The following FARSB variants were observed in gnomAD, a reference collection of about 807,000 sequenced individuals.
FARSB encodes phenylalanine--tRNA ligase beta subunit.
A neutral mutation model predicts 69.6 loss-of-function variants in FARSB; 40 were observed. The observed-to-expected ratio is 0.57, with a 90% CI of 0.45 to 0.75. The LOEUF (loss-of-function observed/expected upper bound fraction) is 0.75, where lower values mean the gene tolerates loss of function less well. FARSB is among the 30% of genes least tolerant of loss of function. The pLI, the probability that FARSB is intolerant of heterozygous loss-of-function variation, is 0.00. For synonymous variants in FARSB, 235 were observed against 247.2 expected, an observed-to-expected ratio of 0.95 and a Z score of 0.46; for missense variants, 632 against 722.9, an observed-to-expected ratio of 0.87 and a Z score of 1.44.
chr2:222,625,892 T>C (rs1691255715), intron 10 of FARSB, among the ~76,000 whole-genome samples: 1 of 152,212 alleles, frequency 6.6e-6, no homozygotes, highest in Non-Finnish European at 1.5e-5. Context: ...GTGCTTATTA[T>C]CTGATTATCA....
At chr2:222,647,631 G>T (rs993979504) in intron 2 of FARSB, among the ~76,000 whole-genome samples, 2 of 152,226 alleles carry the variant, frequency 1.3e-5, no homozygotes, top group Admixed American at 6.5e-5. Flanking sequence ...CCAAGATAAG[G>T]ACTCCTTCCT....
intron 14 of FARSB, among the ~76,000 whole-genome samples, chr2:222,617,666 T>C (rs966485465): frequency 6.6e-6 from 1 of 152,210 alleles, no homozygotes; most frequent in Non-Finnish European, 1.5e-5. Context: ...GGTGGATCAC[T>C]TGAGGCCGGG....
rs766353232 is a variant in FARSB, at chr2:222,655,970, C to T, written c.58+46G>A. The T allele has an allele frequency of 1.4e-5, 20 of 1,476,582 alleles. No individual in the cohort carries two copies. In the East Asian group the frequency reaches 4.3e-4, roughly 32 times the overall value. The allele number at this position is 1,476,582 out of a possible 1,614,324, so 91.5% of individuals were successfully genotyped here. On this transcript the variant is annotated intron_variant, in intron 1 of 16. Transcript: ENST00000281828. ...ATTGCCCTTTTGGAGGGAGGCCCTG[C>T]CTCCGAGAAGAGGCGTAGGGCCCAA...
intron 16 of FARSB, among the ~76,000 whole-genome samples, chr2:222,590,513 TAA>T (rs566615484): frequency 3.7e-5 from 3 of 80,302 alleles, no homozygotes; most frequent in Admixed American, 1.5e-4. Flanking sequence ...TTAACAGTAT[TAA>T]AAAAAAAAAA....
At position 222,570,100 on chromosome 2, in the gene FARSB, A is replaced by T. The variant is rs1180319473; in HGVS notation, c.*1771T>A. Among the ~76,000 whole-genome samples the T allele has an allele frequency of 6.6e-6, 1 of 152,162 alleles. No homozygotes were observed. The highest frequency in any genetic ancestry group is 6.5e-5 in the Admixed American group (1 of 15,268). ...CATTTTAATGGGTATGCAGTTTGTC[A>T]TTGTGAATTTTAGTTGCATTTCCCT... On this transcript the variant is annotated 3_prime_UTR_variant, in exon 17 of 17. Coordinates refer to ENST00000281828, the MANE Select transcript of FARSB (RefSeq NM_005687.5).
At chr2:222,585,785 G>T (rs1390411028) in intron 16 of FARSB, among the ~76,000 whole-genome samples, 1 of 152,168 alleles carries the variant, frequency 6.6e-6, no homozygotes, top group Non-Finnish European at 1.5e-5. Context: ...TCAAATGAAT[G>T]AAATGAAGCC....
chr2:222,655,255 C>G (rs1176645071), intron 1 of FARSB, among the ~76,000 whole-genome samples: 1 of 151,350 alleles, frequency 6.6e-6, no homozygotes, highest in Non-Finnish European at 1.5e-5. Flanking sequence ...TAACTGATAA[C>G]TGCATTTAAT....
At chr2:222,619,050 G>A (rs1321992143) in intron 14 of FARSB, among the ~76,000 whole-genome samples, 2 of 151,570 alleles carry the variant, frequency 1.3e-5, no homozygotes, top group Admixed American at 1.3e-4. Flanking sequence ...GCTGAGGCAG[G>A]AGAATGGCGT....
chr2:222,624,215 G>A, intron 12 of FARSB, 57 bp downstream of exon 12: 1 of 1,135,030 alleles, frequency 8.8e-7, no homozygotes, highest in Non-Finnish European at 1.3e-6. Context: ...AGCCTTCCTG[G>A]CATTAAATAA....
chr2:222,587,073 C>T (rs1461536612), intron 16 of FARSB, among the ~76,000 whole-genome samples: 2 of 152,154 alleles, frequency 1.3e-5, no homozygotes, highest in East Asian at 1.9e-4. Flanking sequence ...AGCACCACAT[C>T]GCACTTATTC....
chr2:222,584,962 C>A (rs916485820), intron 16 of FARSB, among the ~76,000 whole-genome samples: 1 of 152,238 alleles, frequency 6.6e-6, no homozygotes, highest in Non-Finnish European at 1.5e-5. Context: ...CAGACTTAAA[C>A]TTCCCTGTCT....
chr2:222,602,394 T>C, intron 15 of FARSB, among the ~76,000 whole-genome samples: 1 of 151,982 alleles, frequency 6.6e-6, no homozygotes, highest in Middle Eastern at 3.4e-3. Flanking sequence ...GATTCTAAAG[T>C]TCATATAAAA....
At chr2:222,595,191 T>C (rs1003160301) in intron 16 of FARSB, among the ~76,000 whole-genome samples, 4 of 152,220 alleles carry the variant, frequency 2.6e-5, no homozygotes, top group Non-Finnish European at 4.4e-5. Context: ...GTGGGCATGC[T>C]AGAAAGATCT....
At position 222,642,843 on chromosome 2, in the gene FARSB, T is replaced by A; in HGVS notation, c.269+8A>T. 1 of 1,591,922 alleles carries A rather than the reference T, an allele frequency of 6.3e-7. No individual in the cohort carries two copies. Among genetic ancestry groups the A allele is most frequent in the Non-Finnish European group, 8.5e-7 (1 of 1,169,820 alleles). ...TTAGCAAAGTCTTTAAGGAACATAT[T>A]TCCTTACCTTTCTTTGAAGACCTGA... On this transcript the variant is annotated splice_region_variant and intron_variant, in intron 3 of 16. Transcript: ENST00000281828.
At chr2:222,613,450 C>A (rs1690909133) in intron 15 of FARSB, among the ~76,000 whole-genome samples, 1 of 152,174 alleles carries the variant, frequency 6.6e-6, no homozygotes, top group Non-Finnish European at 1.5e-5. Context: ...GAGGCTGAGG[C>A]ACAAGTATCA....
At position 222,615,500 on chromosome 2, in the gene FARSB, C is replaced by G. The variant is rs376468341; in HGVS notation, c.1345-1572G>C. On this transcript the variant is annotated intron_variant, in intron 14 of 16. Transcript: ENST00000281828. The stretch of plus-strand genomic sequence containing the variant: ...CTCTACCCTCAACCCCTGCTGCTTC[C>G]GCAGGCTTACTGCACTCCAGCCACA... Among the ~76,000 whole-genome samples, 8 of 152,218 alleles carry G rather than the reference C, an allele frequency of 5.3e-5. No individual in the cohort carries two copies. The East Asian group carries it at 1.5e-3, about 29-fold the overall frequency.
intron 5 of FARSB, among the ~76,000 whole-genome samples, chr2:222,639,032 T>C (rs1341221985): frequency 1.3e-5 from 2 of 152,212 alleles, no homozygotes; most frequent in Admixed American, 1.3e-4. Context: ...GTGTGAAGAT[T>C]ATTGCCCTAA....
At chr2:222,638,052 AAG>A (rs768181129) in intron 5 of FARSB, among the ~76,000 whole-genome samples, 5 of 152,214 alleles carry the variant, frequency 3.3e-5, no homozygotes, top group South Asian at 2.1e-4. Flanking sequence ...AAGGAAAAAA[AAG>A]AGAGAAGACA....
intron 15 of FARSB, among the ~76,000 whole-genome samples, chr2:222,608,557 A>G (rs1201657365): frequency 6.6e-6 from 1 of 152,212 alleles, no homozygotes; most frequent in African/African-American, 2.4e-5. Context: ...TTGGTGGTCA[A>G]GGGAGGAGAA....
Sources: gnomAD v4.1 joint callset for allele counts (sites outside exome capture counted in the v4.1 genomes callset) on GRCh38, gnomAD v4.1.1 for gene constraint, MANE v1.5 for transcripts, NCBI Gene and HGNC (gene_info 2026-07-23, HGNC 2026-07-21) for gene names.